The following CTIF variants were observed in gnomAD, a reference collection of about 807,000 sequenced individuals.
The protein encoded by CTIF is CBP80/20-dependent translation initiation factor.
In CTIF, 21 loss-of-function variants were observed where a neutral mutation model predicts 66.0. The observed-to-expected ratio is 0.32, with a 90% CI of 0.23 to 0.46. The LOEUF (loss-of-function observed/expected upper bound fraction) is 0.46. CTIF is among the 20% of genes least tolerant of loss of function. CTIF has a pLI of 1.00. For missense variants in CTIF, 739 were observed against 812.7 expected, an observed-to-expected ratio of 0.91 and a Z score of 1.10; for synonymous variants, 345 against 326.4, an observed-to-expected ratio of 1.06 and a Z score of -0.62.
intron 6 of CTIF, among the ~76,000 whole-genome samples, chr18:48,707,718 T>C (rs1014648106): frequency 2.0e-5 from 3 of 152,154 alleles, no homozygotes; most frequent in Non-Finnish European, 2.9e-5. Context: ...TTAATTGAGA[T>C]ATAATTTACA....
chr18:48,611,035 G>A (rs1598737030), intron 1 of CTIF, among the ~76,000 whole-genome samples: 1 of 152,204 alleles, frequency 6.6e-6, no homozygotes, highest in Non-Finnish European at 1.5e-5. Context: ...CCCTGGAGAA[G>A]GCAGGCTGTT....
intron 1 of CTIF, among the ~76,000 whole-genome samples, chr18:48,603,499 G>GTGGATGGATGGATGGA (rs1158667685): frequency 3.5e-5 from 4 of 112,936 alleles, no homozygotes; most frequent in African/African-American, 1.1e-4. Flanking sequence ...GGGTGGGTGG[G>GTGGATGGATGGATGGA]TGGATGGATG....
intron 10 of CTIF, among the ~76,000 whole-genome samples, chr18:48,819,973 G>A (rs929892309): frequency 1.3e-5 from 2 of 151,642 alleles, no homozygotes; most frequent in African/African-American, 4.8e-5. Context: ...CGAGGCCGGA[G>A]GATGGAAGGA....
chr18:48,548,677 C>T (rs995733435), intron 1 of CTIF, among the ~76,000 whole-genome samples: 4 of 152,224 alleles, frequency 2.6e-5, no homozygotes, highest in African/African-American at 9.6e-5. Context: ...TCAGGGATTC[C>T]GAGAAAGCAC....
At chr18:48,588,211 A>G (rs1241939334) in intron 1 of CTIF, among the ~76,000 whole-genome samples, 1 of 150,172 alleles carries the variant, frequency 6.7e-6, no homozygotes, top group Non-Finnish European at 1.5e-5. Context: ...CACAGAGGAC[A>G]CCCCCCAGCC....
intron 4 of CTIF, 52 bp downstream of exon 4, chr18:48,663,877 T>C (rs576675021): frequency 6.6e-7 from 1 of 1,514,768 alleles, no homozygotes; most frequent in East Asian, 2.3e-5. Context: ...CCGGGGAAAC[T>C]GGCTTCCTTG....
At chr18:48,823,413 G>T (rs904736458) in intron 10 of CTIF, among the ~76,000 whole-genome samples, 1 of 152,140 alleles carries the variant, frequency 6.6e-6, no homozygotes, top group Non-Finnish European at 1.5e-5. Context: ...GTTTATTGAA[G>T]AGACTGTCTT....
At chr18:48,539,433 CCAAA>C (rs2088551196) in intron 1 of CTIF, 121 bp downstream of exon 1, 1 of 152,306 alleles carries the variant, frequency 6.6e-6, no homozygotes, top group African/African-American at 2.4e-5. Flanking sequence ...GAAAACCGCC[CCAAA>C]CAATCAGCCC....
At chr18:48,636,858 G>A (rs1032187647) in intron 3 of CTIF, among the ~76,000 whole-genome samples, 173 bp downstream of exon 3, 17 of 152,172 alleles carry the variant, frequency 1.1e-4, no homozygotes, top group African/African-American at 4.1e-4. Flanking sequence ...CCTGCCCACA[G>A]GGAAGCTCCC....
In CTIF at chr18:48,654,677, A is replaced by G. The variant is rs112869660; in HGVS notation, c.253-9075A>G. Among the ~76,000 whole-genome samples, 4 of 152,368 alleles carry G rather than the reference A, an allele frequency of 2.6e-5. No individual in the cohort carries two copies. The East Asian group carries it at 5.8e-4, about 22-fold the overall frequency. On this transcript the variant is annotated intron_variant, in intron 3 of 11. Coordinates refer to ENST00000256413, the MANE Select transcript of CTIF (RefSeq NM_014772.3). ...CTACTATAAAGACACATGCACACGT[A>G]TGTTTGTTGCGGCACTATTCACAAT...
rs560507175 is a variant in CTIF at position 48,754,687 on chromosome 18, T to G, written c.585-3232T>G. ...TGGACTCCCTGGCTTCCCTCCCACC[T>G]ACGGATGGCTTTCCACATGTGCAAA... On this transcript the variant is annotated intron_variant, in intron 7 of 11. Coordinates refer to ENST00000256413, the MANE Select transcript of CTIF (RefSeq NM_014772.3). Among the ~76,000 whole-genome samples the G allele has an allele frequency of 2.6e-5, 4 of 152,366 alleles. No homozygotes were observed. In the South Asian group the frequency reaches 6.2e-4, roughly 24 times the overall value.
At chr18:48,656,762 G>GT (rs2091253415) in intron 3 of CTIF, among the ~76,000 whole-genome samples, 1 of 152,186 alleles carries the variant, frequency 6.6e-6, no homozygotes. Flanking sequence ...AAGGATGATT[G>GT]TTTTTGATAA....
intron 3 of CTIF, among the ~76,000 whole-genome samples, 181 bp from the exon 4 acceptor site, chr18:48,663,571 C>T (rs540112330): frequency 6.6e-6 from 1 of 152,164 alleles, no homozygotes; most frequent in East Asian, 1.9e-4. Context: ...GAAACGAGGG[C>T]CTATGCCTGG....
chr18:48,791,186 GC>G (rs2146133709), intron 9 of CTIF, among the ~76,000 whole-genome samples: 1 of 152,346 alleles, frequency 6.6e-6, no homozygotes, highest in East Asian at 1.9e-4. Context: ...CCTCCTGCAT[GC>G]TGGCTGGTCA....
chr18:48,612,502 C>T (rs946211038), intron 1 of CTIF, among the ~76,000 whole-genome samples: 3 of 152,268 alleles, frequency 2.0e-5, no homozygotes, highest in Admixed American at 2.0e-4. Flanking sequence ...GCAGCCAGCT[C>T]TGCCTATAAT....
intron 5 of CTIF, among the ~76,000 whole-genome samples, chr18:48,670,395 A>G (rs1568121054): frequency 6.6e-6 from 1 of 152,274 alleles, no homozygotes; most frequent in East Asian, 1.9e-4. Flanking sequence ...TGTGATGAGT[A>G]AGGAGCTTAG....
At chr18:48,748,743 C>T (rs1907501214) in intron 7 of CTIF, among the ~76,000 whole-genome samples, 1 of 152,202 alleles carries the variant, frequency 6.6e-6, no homozygotes, top group East Asian at 1.9e-4. Flanking sequence ...TCTTAGAGGG[C>T]TGCTGAGGTC....
intron 6 of CTIF, among the ~76,000 whole-genome samples, chr18:48,696,393 C>G (rs2092009005): frequency 6.6e-6 from 1 of 152,166 alleles, no homozygotes; most frequent in South Asian, 2.1e-4. Flanking sequence ...TTGGGCTGGC[C>G]TACCTCCTTG....
chr18:48,674,614 C>T (rs1483294720), intron 6 of CTIF, among the ~76,000 whole-genome samples: 2 of 152,226 alleles, frequency 1.3e-5, no homozygotes, highest in Non-Finnish European at 2.9e-5. Flanking sequence ...GGCTGTGTTT[C>T]CACAACTGGC....
Sources: gnomAD v4.1 joint callset for allele counts (sites outside exome capture counted in the v4.1 genomes callset) on GRCh38, gnomAD v4.1.1 for gene constraint, MANE v1.5 for transcripts, NCBI Gene and HGNC (gene_info 2026-07-23, HGNC 2026-07-21) for gene names.